LPL: variants seen among roughly 807,000 people sequenced by gnomAD.
LPL encodes lipoprotein lipase.
In LPL, 43 loss-of-function variants were observed where a neutral mutation model predicts 52.2. That is an observed-to-expected ratio of 0.82 (90% confidence interval 0.64 to 1.06). LPL has a LOEUF of 1.06. Ranked by LOEUF, LPL falls within the 50% of genes least tolerant of loss-of-function variation. The pLI is 0.00. For synonymous variants in LPL, 244 were observed against 215.6 expected, an observed-to-expected ratio of 1.13 and a Z score of -1.15; for missense variants, 639 against 585.3, an observed-to-expected ratio of 1.09 and a Z score of -0.95.
Position 19,965,340 on chromosome 8 carries a change from G to A in LPL, c.*30G>A, listed in dbSNP as rs190991033. 9.2e-5 allele frequency: 72 copies of A among 780,520 alleles called. No homozygotes were observed. The African/African-American group carries it at 1.1e-3, about 12-fold the overall frequency. The allele number at this position is 780,520 out of a possible 1,614,324, so 48.3% of individuals were successfully genotyped here. A position where few individuals can be genotyped will look rare whatever the true frequency, so the allele number is the denominator to read the frequency against. ...GGGCGAATCTACAGAACAAAGAACG[G>A]CATGTGAATTCTGTGAAGAATGAAG... is the stretch of plus-strand genomic sequence containing the variant. On this transcript the variant is annotated 3_prime_UTR_variant, in exon 10 of 10. Transcript: ENST00000650287.
At chr8:19,942,916 C>G (rs1400634853) in intron 1 of LPL, among the ~76,000 whole-genome samples, 1 of 152,166 alleles carries the variant, frequency 6.6e-6, no homozygotes, top group East Asian at 1.9e-4. Flanking sequence ...TAAACTTGTG[C>G]CAATTCATTC....
rs1242266610 is a variant in LPL, at chr8:19,966,429, C to T, written c.*1119C>T. The T allele has an allele frequency of 6.6e-6, 1 of 152,118 alleles. No homozygotes were observed. Among genetic ancestry groups the T allele is most frequent in the Non-Finnish European group, 1.5e-5 (1 of 68,026 alleles). 9.4% of individuals were successfully genotyped at this position (152,118 alleles called of 1,614,324 possible). On this transcript the variant is annotated 3_prime_UTR_variant, in exon 10 of 10. Coordinates refer to ENST00000650287, the MANE Select transcript of LPL (RefSeq NM_000237.3). Reference sequence around the variant, plus strand: ...TTGTAAACCATCGCGTGCAATGAGCCAGATGGAGTACCATGAGGGTTGCTA... The same window carrying T: ...TTGTAAACCATCGCGTGCAATGAGCTAGATGGAGTACCATGAGGGTTGCTA...
intron 7 of LPL, 36 bp from the exon 8 acceptor site, chr8:19,960,865 T>G (rs541807762): frequency 6.5e-7 from 1 of 1,550,028 alleles, no homozygotes; most frequent in South Asian, 1.1e-5. Flanking sequence ...AGAGCTGATC[T>G]CTATAACTAA....
intron 1 of LPL, among the ~76,000 whole-genome samples, chr8:19,945,551 T>A (rs576341713): frequency 6.6e-6 from 1 of 152,352 alleles, no homozygotes; most frequent in South Asian, 2.1e-4. Context: ...CATTACATAC[T>A]CTGGACCCAA....
chr8:19,963,087 C>G (rs1186087603), intron 9 of LPL, among the ~76,000 whole-genome samples: 3 of 152,214 alleles, frequency 2.0e-5, no homozygotes, highest in Non-Finnish European at 2.9e-5. Flanking sequence ...ACAGTGTCAT[C>G]TGGAAACAGG....
rs323 is a variant in LPL, at chr8:19,961,710, A to C, written c.1323-405A>C. ...AGAAGCAAACAAACAAACAAAAAAA[A>C]AAAGAAAAAGATCTTGGGGATGGAA... On this transcript the variant is annotated intron_variant, in intron 8 of 9. Coordinates refer to ENST00000650287, the MANE Select transcript of LPL (RefSeq NM_000237.3). 5.2e-3 allele frequency among the ~76,000 whole-genome samples: 798 copies of C among 152,334 alleles called. 4 individuals are homozygous for C. Among genetic ancestry groups the C allele is most frequent in the Non-Finnish European group, 7.3e-3 (498 of 68,028 alleles).
chr8:19,948,409 TGGGGACCCA>T, intron 2 of LPL, 69 bp downstream of exon 2: 1 of 1,581,642 alleles, frequency 6.3e-7, no homozygotes, highest in Non-Finnish European at 8.6e-7. Context: ...GCCCAATTGT[TGGGGACCCA>T]GTGATGGGTC....
chr8:19,940,253 G>A (rs1039275047), intron 1 of LPL, among the ~76,000 whole-genome samples: 4 of 152,230 alleles, frequency 2.6e-5, no homozygotes, highest in African/African-American at 9.6e-5. Context: ...AGAACCCAGC[G>A]AGGGGCTGAC....
chr8:19,961,046 C>G lies in LPL; in HGVS notation c.1285C>G (p.Gln429Glu). The G allele has an allele frequency of 6.2e-7, 1 of 1,614,116 alleles. No homozygotes were observed. Among genetic ancestry groups the G allele is most frequent in the South Asian group, 1.1e-5 (1 of 91,074 alleles). Residue 429 changes from glutamine (Q) to glutamate (E), a missense_variant, in exon 8 of 10, where the codon CAG becomes GAG. By Grantham distance (29) the Gln-to-Glu change is conservative. Coordinates refer to ENST00000650287, the MANE Select transcript of LPL (RefSeq NM_000237.3). ...DWWSSPGFAI[Q>E]KIRVKAGETQ... ...GTGGAGCAGTCCCGGCTTCGCCATT[C>G]AGAAGATCAGAGTAAAAGCAGGAGA...
chr8:19,940,690 C>T (rs373316148), intron 1 of LPL, among the ~76,000 whole-genome samples: 1 of 152,342 alleles, frequency 6.6e-6, no homozygotes, highest in Non-Finnish European at 1.5e-5. Flanking sequence ...TCAGGCGGCA[C>T]GTCCCCAGCG....
At chr8:19,964,791 A>T (rs975855399) in intron 9 of LPL, among the ~76,000 whole-genome samples, 1 of 152,110 alleles carries the variant, frequency 6.6e-6, no homozygotes, top group Non-Finnish European at 1.5e-5. Flanking sequence ...CAGCCTCCCA[A>T]TGTGCTGGGA....
chr8:19,941,315 G>T lies in LPL; in HGVS notation c.88+1787G>T, dbSNP rs148101137. Among the ~76,000 whole-genome samples, 514 of 152,300 alleles carry T rather than the reference G, an allele frequency of 3.4e-3. 2 individuals carry two copies. The highest frequency in any genetic ancestry group is 0.031 in the Middle Eastern group (9 of 294). ...CAACTCCAAATTCTTATTTCAGAAA[G>T]CACACCATAGAATAACGTCATTTTC... is the stretch of plus-strand genomic sequence containing the variant. On this transcript the variant is annotated intron_variant, in intron 1 of 9. Transcript: ENST00000650287.
chr8:19,965,014 G>A (rs1249698109), intron 9 of LPL, among the ~76,000 whole-genome samples: 3 of 152,096 alleles, frequency 2.0e-5, no homozygotes, highest in Admixed American at 6.5e-5. Flanking sequence ...CAGGCCTTTC[G>A]TTTGATACAT....
intron 6 of LPL, 53 bp downstream of exon 6, chr8:19,956,136 G>A: frequency 1.2e-6 from 2 of 1,609,390 alleles, no homozygotes; most frequent in Non-Finnish European, 8.5e-7. Flanking sequence ...ATTTCATCAT[G>A]CTCACTGCAT....
In LPL at chr8:19,955,935, G is replaced by A. The variant is rs1331026335; in HGVS notation, c.870G>A (p.Arg290=). 11 of 1,614,154 alleles carry A rather than the reference G, an allele frequency of 6.8e-6. No individual in the cohort carries two copies. Among genetic ancestry groups the A allele is most frequent in the Non-Finnish European group, 8.5e-6 (10 of 1,180,020 alleles). ...AAGAAAATCCAAGTAAGGCCTACAG[G>A]TGCAGTTCCAAGGAAGCCTTTGAGA... is the stretch of plus-strand genomic sequence containing the variant. The part of the protein sequence containing the change: ...LNEENPSKAY[R]CSSKEAFEKG... The change falls in exon 6 of 10, where the codon AGG becomes AGA. Residue 290 remains arginine, a synonymous_variant. Coordinates refer to ENST00000650287, the MANE Select transcript of LPL (RefSeq NM_000237.3).
chr8:19,957,744 AAG>A (rs1324747384), intron 6 of LPL, among the ~76,000 whole-genome samples: 1 of 152,152 alleles, frequency 6.6e-6, no homozygotes, highest in Non-Finnish European at 1.5e-5. Flanking sequence ...TAATTATAAA[AAG>A]AGATGTATCT....
chr8:19,943,540 G>A (rs909989777), intron 1 of LPL, among the ~76,000 whole-genome samples: 2 of 152,160 alleles, frequency 1.3e-5, no homozygotes, highest in African/African-American at 4.8e-5. Flanking sequence ...TGAGACAACT[G>A]GATGTTTCCA....
chr8:19,956,794 C>T (rs2069990086), intron 6 of LPL, among the ~76,000 whole-genome samples: 1 of 152,274 alleles, frequency 6.6e-6, no homozygotes, highest in East Asian at 1.9e-4. Flanking sequence ...ATGTTCACAA[C>T]TTACATAAAG....
In LPL at chr8:19,967,036, T is replaced by C. The variant is rs1156967912; in HGVS notation, c.*1726T>C. On this transcript the variant is annotated 3_prime_UTR_variant, in exon 10 of 10. Coordinates refer to ENST00000650287, the MANE Select transcript of LPL (RefSeq NM_000237.3). ...ATTTTATTTATTAGCTGTAAATACATGTGTGGATGTGTAAATGGAGCTTGT... is the reference window on the plus strand; with the variant it reads ...ATTTTATTTATTAGCTGTAAATACACGTGTGGATGTGTAAATGGAGCTTGT... 6.6e-6 allele frequency: 1 copy of C among 152,640 alleles called. No homozygotes were observed. The highest frequency in any genetic ancestry group is 1.5e-5 in the Non-Finnish European group (1 of 68,042). The allele number at this position is 152,640 out of a possible 1,614,324, so 9.5% of individuals were successfully genotyped here.
Sources: allele counts gnomAD v4.1 joint callset (sites outside exome capture counted in the v4.1 genomes callset), GRCh38; gene constraint gnomAD v4.1.1; transcripts MANE v1.5; gene names NCBI Gene and HGNC (gene_info 2026-07-23, HGNC 2026-07-21).